Variants in AHCYL2 observed in about 807,000 individuals in gnomAD.
AHCYL2 encodes the protein S-adenosylhomocysteine hydrolase-like protein 2.
In AHCYL2, 28 loss-of-function variants were observed where a neutral mutation model predicts 81.4. The ratio of observed to expected loss-of-function variants is 0.34; its 90% CI spans 0.25 to 0.47. AHCYL2 has a LOEUF of 0.47. Ranked by LOEUF, AHCYL2 falls within the 20% of genes least tolerant of loss-of-function variation. AHCYL2 has a pLI of 1.00. For missense variants in AHCYL2, 551 were observed against 785.1 expected, an observed-to-expected ratio of 0.70 and a Z score of 3.56; for synonymous variants, 272 against 290.2, an observed-to-expected ratio of 0.94 and a Z score of 0.64.
At chr7:129,290,256 C>T (rs1796789970) in intron 1 of AHCYL2, among the ~76,000 whole-genome samples, 1 of 152,040 alleles carries the variant, frequency 6.6e-6, no homozygotes, top group African/African-American at 2.4e-5. Context: ...GTAATCCCAG[C>T]ACTTTGGGAG....
Position 129,409,463 on chromosome 7 carries a change from T to C in AHCYL2, c.1296-13T>C. The C allele has an allele frequency of 6.2e-7, 1 of 1,612,648 alleles. No individual in the cohort carries two copies. The highest frequency in any genetic ancestry group is 2.2e-5 in the East Asian group (1 of 44,856). On this transcript the variant is annotated splice_polypyrimidine_tract_variant and intron_variant, in intron 10 of 16. Transcript: ENST00000325006. ...GCCTGTTTAGGTTAATGGGTCATGCTTTATTTCAACAGTATGGATGGATTT... is the reference window on the plus strand; with the variant it reads ...GCCTGTTTAGGTTAATGGGTCATGCCTTATTTCAACAGTATGGATGGATTT...
At chr7:129,377,640 G>A (rs919646147) in intron 1 of AHCYL2, 1 of 456,398 alleles carries the variant, frequency 2.2e-6, no homozygotes, top group Non-Finnish European at 4.4e-6. Flanking sequence ...TCACTTGTCA[G>A]ACCTTTGATC....
chr7:129,299,838 A>T (rs943123097), intron 1 of AHCYL2, among the ~76,000 whole-genome samples: 1 of 152,196 alleles, frequency 6.6e-6, no homozygotes, highest in East Asian at 1.9e-4. Context: ...CACATGTAGG[A>T]TCATGACCTG....
chr7:129,344,204 ATT>A (rs1002770936), intron 1 of AHCYL2, among the ~76,000 whole-genome samples: 2 of 152,180 alleles, frequency 1.3e-5, no homozygotes, highest in African/African-American at 4.8e-5. Context: ...AATTTAATAT[ATT>A]CTTACCAGGT....
intron 1 of AHCYL2, among the ~76,000 whole-genome samples, chr7:129,315,480 A>G (rs952852561): frequency 6.6e-6 from 1 of 152,146 alleles, no homozygotes; most frequent in Non-Finnish European, 1.5e-5. Flanking sequence ...TCTGATTGAA[A>G]TGTCCTCCTC....
chr7:129,367,485 A>C (rs1389419126), intron 1 of AHCYL2, among the ~76,000 whole-genome samples: 1 of 152,160 alleles, frequency 6.6e-6, no homozygotes, highest in Non-Finnish European at 1.5e-5. Context: ...TGGTATGGAG[A>C]GATAAAGCAG....
At chr7:129,376,844 A>G (rs1794711042) in intron 1 of AHCYL2, among the ~76,000 whole-genome samples, 1 of 152,256 alleles carries the variant, frequency 6.6e-6, no homozygotes, top group African/African-American at 2.4e-5. Context: ...CTTCTAAAAA[A>G]GAATAAAGAC....
intron 1 of AHCYL2, among the ~76,000 whole-genome samples, chr7:129,282,547 G>T (rs1320326208): frequency 6.6e-6 from 1 of 152,108 alleles, no homozygotes; most frequent in Non-Finnish European, 1.5e-5. Context: ...ATCTGTAGAA[G>T]TTGGATTTAG....
intron 12 of AHCYL2, 34 bp downstream of exon 12, chr7:129,413,722 TTCTC>T: frequency 6.4e-7 from 1 of 1,570,936 alleles, no homozygotes; most frequent in Non-Finnish European, 8.8e-7. Flanking sequence ...GGGGGCTTTT[TTCTC>T]TCCTTCACAA....
chr7:129,304,811 T>C (rs1173408392), intron 1 of AHCYL2, among the ~76,000 whole-genome samples: 1 of 152,146 alleles, frequency 6.6e-6, no homozygotes, highest in Non-Finnish European at 1.5e-5. Context: ...CAACAGATCA[T>C]TGAATCTTGC....
intron 1 of AHCYL2, among the ~76,000 whole-genome samples, chr7:129,268,547 A>T (rs1795896102): frequency 6.6e-6 from 1 of 152,058 alleles, no homozygotes; most frequent in Non-Finnish European, 1.5e-5. Flanking sequence ...ATGAGGTTTC[A>T]CTATGTAGGC....
intron 1 of AHCYL2, among the ~76,000 whole-genome samples, chr7:129,285,305 G>A (rs965386863): frequency 6.6e-6 from 1 of 152,194 alleles, no homozygotes; most frequent in African/African-American, 2.4e-5. Flanking sequence ...GTTCACACAA[G>A]TTTGTTGAAC....
intron 1 of AHCYL2, among the ~76,000 whole-genome samples, chr7:129,349,614 T>G (rs1278590842): frequency 1.4e-5 from 2 of 140,040 alleles, no homozygotes; most frequent in African/African-American, 2.7e-5. Context: ...ATGGCATCAT[T>G]GCATTCCAGC....
intron 1 of AHCYL2, among the ~76,000 whole-genome samples, chr7:129,288,130 C>T (rs1796703446): frequency 6.6e-6 from 1 of 152,130 alleles, no homozygotes; most frequent in Admixed American, 6.6e-5. Flanking sequence ...ATGTTTGAAT[C>T]AGGATACAAA....
chr7:129,422,720 C>A, intron 12 of AHCYL2, 120 bp from the exon 13 acceptor site: 2 of 760,268 alleles, frequency 2.6e-6, no homozygotes, highest in Non-Finnish European at 4.5e-6. Context: ...CAGGTATTCT[C>A]CATCTGGCAT....
intron 2 of AHCYL2, among the ~76,000 whole-genome samples, chr7:129,382,657 G>A (rs1257349890): frequency 1.3e-5 from 2 of 151,994 alleles, no homozygotes; most frequent in Admixed American, 1.3e-4. Flanking sequence ...TATAATCCCA[G>A]CACTTTGGGA....
intron 1 of AHCYL2, among the ~76,000 whole-genome samples, chr7:129,357,832 G>T (rs540155488): frequency 9.2e-5 from 14 of 151,762 alleles, no homozygotes; most frequent in Admixed American, 3.3e-4. Flanking sequence ...TACTTGGGAG[G>T]CTGAGGCAGG....
At chr7:129,260,778 G>T (rs908244147) in intron 1 of AHCYL2, among the ~76,000 whole-genome samples, 6 of 151,942 alleles carry the variant, frequency 3.9e-5, no homozygotes, top group African/African-American at 1.5e-4. Flanking sequence ...ATCAACACAT[G>T]TTAAAATTGG....
At chr7:129,276,259 T>C (rs1334148981) in intron 1 of AHCYL2, among the ~76,000 whole-genome samples, 3 of 151,350 alleles carry the variant, frequency 2.0e-5, no homozygotes, top group Non-Finnish European at 2.9e-5. Context: ...ACAAAGAAGA[T>C]GAGGGTAAGA....
Sources: allele counts gnomAD v4.1 joint callset (sites outside exome capture counted in the v4.1 genomes callset), GRCh38; gene constraint gnomAD v4.1.1; transcripts MANE v1.5; gene names NCBI Gene and HGNC (gene_info 2026-07-23, HGNC 2026-07-21).